Variants in BTNL8 observed in about 807,000 individuals in gnomAD.
BTNL8 encodes the protein butyrophilin-like protein 8.
Under a neutral mutation model 36.1 loss-of-function variants are expected in BTNL8, and 22 were observed. The observed-to-expected ratio is 0.61, with a 90% CI of 0.44 to 0.87. The LOEUF (loss-of-function observed/expected upper bound fraction) is 0.87. BTNL8 is among the 40% of genes least tolerant of loss of function. The pLI is 0.00. For synonymous variants in BTNL8, 203 were observed against 235.6 expected (o/e 0.86, Z 1.27); for missense variants, 526 against 616.9 (o/e 0.85, Z 1.56).
Position 180,902,336 on chromosome 5 carries a change from A to G in BTNL8, c.49+2977A>G, listed in dbSNP as rs568276539. The stretch of plus-strand genomic sequence containing the variant: ...AAAAATAAAAACATTAATAATACAC[A>G]TTTCTGCAGGTGCTCCTCAAGATCG... On this transcript the variant is annotated intron_variant, in intron 1 of 7. Coordinates refer to ENST00000340184, the MANE Select transcript of BTNL8 (RefSeq NM_001040462.3). The G allele has an allele frequency of 2.8e-5, 44 of 1,548,340 alleles. No homozygotes were observed. The East Asian group carries it at 8.1e-4, about 28-fold the overall frequency.
chr5:180,916,026 G>A lies in BTNL8; in HGVS notation c.673+4412G>A, dbSNP rs148964659. 4.7e-4 allele frequency among the ~76,000 whole-genome samples: 72 copies of A among 152,330 alleles called. 1 individual carries two copies. The East Asian group carries it at 8.9e-3, about 19-fold the overall frequency. ...ACAGAGGTTTATTTGGCTCATGGTC[G>A]TGGAGGCTGGGAAGTCTAAGATCAA... On this transcript the variant is annotated intron_variant, in intron 3 of 7. Coordinates refer to ENST00000340184, the MANE Select transcript of BTNL8 (RefSeq NM_001040462.3).
chr5:180,919,032 A>G (rs1757760295), intron 3 of BTNL8, among the ~76,000 whole-genome samples: 1 of 152,204 alleles, frequency 6.6e-6, no homozygotes, highest in Non-Finnish European at 1.5e-5. Flanking sequence ...TGGAAAGGGA[A>G]ATTTACATTC....
At chr5:180,917,762 CGGG>C (rs879261717) in intron 3 of BTNL8, among the ~76,000 whole-genome samples, 35,898 of 151,992 alleles carry the variant, frequency 0.24, 4,916 homozygotes, top group Admixed American at 0.3. Flanking sequence ...GGCGTGGTGG[CGGG>C]TGCCTGTAAT....
chr5:180,917,775 T>A (rs1423999361), intron 3 of BTNL8, among the ~76,000 whole-genome samples: 1 of 152,014 alleles, frequency 6.6e-6, no homozygotes, highest in Non-Finnish European at 1.5e-5. Flanking sequence ...GTGCCTGTAA[T>A]CCCAGCACTC....
At chr5:180,938,777 A>G (rs1180140356) in intron 3 of BTNL8, among the ~76,000 whole-genome samples, 1 of 152,116 alleles carries the variant, frequency 6.6e-6, no homozygotes, top group African/African-American at 2.4e-5. Flanking sequence ...CTTAACAGAA[A>G]TCTTACAGGC....
chr5:180,934,037 C>T (rs140863756), intron 3 of BTNL8, among the ~76,000 whole-genome samples: 2 of 151,820 alleles, frequency 1.3e-5, no homozygotes, highest in African/African-American at 2.4e-5. Context: ...AAAAATTCCA[C>T]CCCCCACCAA....
At chr5:180,948,585 A>G in intron 5 of BTNL8, 1 of 1,251,110 alleles carries the variant, frequency 8.0e-7, no homozygotes. Flanking sequence ...GGGGCCTGGA[A>G]GTCCCCACAA....
At chr5:180,911,221 G>A in intron 2 of BTNL8, 118 bp from the exon 3 acceptor site, 1 of 1,467,660 alleles carries the variant, frequency 6.8e-7, no homozygotes, top group Non-Finnish European at 9.2e-7. Flanking sequence ...CGTGGTTTTA[G>A]TGTTTGTGTG....
intron 3 of BTNL8, among the ~76,000 whole-genome samples, chr5:180,918,870 TA>T (rs1463399663): frequency 3.3e-5 from 5 of 152,266 alleles, no homozygotes; most frequent in Non-Finnish European, 7.4e-5. Context: ...TAGATTAGGA[TA>T]GGGGGTTGTG....
Position 180,947,533 on chromosome 5 carries a change from C to T in BTNL8, c.695C>T (p.Ser232Leu), listed in dbSNP as rs368136851. 4.6e-5 allele frequency: 74 copies of T among 1,613,802 alleles called. No homozygotes were observed. The Middle Eastern group carries it at 9.9e-4, about 22-fold the overall frequency. Residue 232 changes from serine to leucine, a missense_variant, in exon 4 of 8, where the codon TCG (serine) becomes TTG (leucine). Transcript: ENST00000340184. ...TCAGATACCTTTTTCGAGCCTATATCGTGGCACCTGGCTACCAAAGTACTG... is the reference window on the plus strand; with the variant it reads ...TCAGATACCTTTTTCGAGCCTATATTGTGGCACCTGGCTACCAAAGTACTG... Reference protein sequence around the residue: ...QIGDTFFEPISWHLATKVLGI... With the variant: ...QIGDTFFEPILWHLATKVLGI...
At chr5:180,918,177 T>C (rs77302348) in intron 3 of BTNL8, among the ~76,000 whole-genome samples, 68,287 of 151,824 alleles carry the variant, frequency 0.45, 16,439 homozygotes, top group African/African-American at 0.63. Context: ...AAGAACACCA[T>C]AAAAAAGAAG....
chr5:180,937,763 A>G (rs1758727561), intron 3 of BTNL8, among the ~76,000 whole-genome samples: 1 of 152,206 alleles, frequency 6.6e-6, no homozygotes, highest in African/African-American at 2.4e-5. Context: ...GAACACAGTA[A>G]TTCTTCAGTA....
chr5:180,945,874 C>T (rs575566157), intron 3 of BTNL8: 41 of 428,498 alleles, frequency 9.6e-5, no homozygotes, highest in Middle Eastern at 7.7e-4. Context: ...TCCATCAGCA[C>T]GCAAAGGACA....
intron 3 of BTNL8, among the ~76,000 whole-genome samples, chr5:180,941,110 G>GGAAGGAAGGA (rs1758916958): frequency 1.6e-5 from 2 of 126,900 alleles, no homozygotes; most frequent in African/African-American, 6.3e-5. Context: ...GGAAGGAAGG[G>GGAAGGAAGGA]AGGAAGGAAG....
intron 3 of BTNL8, among the ~76,000 whole-genome samples, chr5:180,931,534 G>A (rs372890975): frequency 3.9e-5 from 6 of 152,156 alleles, no homozygotes; most frequent in African/African-American, 1.2e-4. Flanking sequence ...CCTACAGAAT[G>A]GGAGAAAATT....
At chr5:180,917,914 A>G (rs531904492) in intron 3 of BTNL8, among the ~76,000 whole-genome samples, 1 of 152,038 alleles carries the variant, frequency 6.6e-6, no homozygotes, top group Admixed American at 6.5e-5. Context: ...GTGTAGTCCC[A>G]GCTACTTGGG....
chr5:180,907,760 C>G (rs1387276967), intron 1 of BTNL8, among the ~76,000 whole-genome samples: 14 of 152,120 alleles, frequency 9.2e-5, no homozygotes, highest in African/African-American at 2.9e-4. Flanking sequence ...AGCTGCAGGT[C>G]TGTTGGAGTA....
chr5:180,902,359 T>C (rs7735361), intron 1 of BTNL8: 469,123 of 1,548,358 alleles, frequency 0.3, 76,537 homozygotes, highest in African/African-American at 0.61. Context: ...CTCCTCAAGA[T>C]CGAATGAAGT....
At chr5:180,945,669 C>A (rs971147452) in intron 3 of BTNL8, 6 of 295,166 alleles carry the variant, frequency 2.0e-5, no homozygotes, top group African/African-American at 6.4e-5. Context: ...ACAAACATTT[C>A]TCAAAATTAC....
Sources: allele counts gnomAD v4.1 joint callset (sites outside exome capture counted in the v4.1 genomes callset), GRCh38; gene constraint gnomAD v4.1.1; transcripts MANE v1.5; gene names NCBI Gene and HGNC (gene_info 2026-07-23, HGNC 2026-07-21).